Variants in STK24 observed in about 807,000 individuals in gnomAD.
STK24 encodes the protein serine/threonine-protein kinase 24.
A neutral mutation model predicts 55.6 loss-of-function variants in STK24; 21 were observed. The observed-to-expected ratio is 0.38, with a 90% CI of 0.27 to 0.54. The LOEUF (loss-of-function observed/expected upper bound fraction) is 0.54, where lower values mean the gene tolerates loss of function less well. STK24 is among the 20% of genes least tolerant of loss of function. The probability of loss-of-function intolerance (pLI) is 0.79; values close to 1 mark genes in which losing one functional copy is unlikely to be tolerated. For missense variants in STK24, 383 were observed against 538.4 expected, an observed-to-expected ratio of 0.71 and a Z score of 2.86; for synonymous variants, 200 against 215.2, an observed-to-expected ratio of 0.93 and a Z score of 0.62.
In STK24 at chr13:98,452,221, T is replaced by C. The variant is rs531634613; in HGVS notation, c.*952A>G. On this transcript the variant is annotated 3_prime_UTR_variant, in exon 11 of 11. Transcript: ENST00000539966. ...ACATTTTTAGGTGGGAAAGATGATA[T>C]GCAGAATCCACTACAAGGTGCAACA... 7 of 152,328 alleles carry C rather than the reference T, an allele frequency of 4.6e-5. No homozygotes were observed. In the South Asian group the frequency reaches 1.0e-3, roughly 23 times the overall value. The allele number at this position is 152,328 out of a possible 1,614,324, so 9.4% of individuals were successfully genotyped here.
In STK24 at chr13:98,475,366, G is replaced by A. The variant is rs373260832; in HGVS notation, c.331-8C>T. The stretch of plus-strand genomic sequence containing the variant: ...TAATGGGCCAGGTTCTAACTAAGAA[G>A]AGAAAAAAATTCTTAAAGTTACTTA... On this transcript the variant is annotated splice_polypyrimidine_tract_variant and splice_region_variant and intron_variant, in intron 3 of 10. Coordinates refer to ENST00000539966, the MANE Select transcript of STK24 (RefSeq NM_001032296.4). 8 of 1,570,772 alleles carry A rather than the reference G, an allele frequency of 5.1e-6. No individual in the cohort carries two copies. In the African/African-American group the frequency reaches 6.9e-5, roughly 14 times the overall value.
At chr13:98,542,203 C>G (rs1896907233) in intron 1 of STK24, among the ~76,000 whole-genome samples, 1 of 152,184 alleles carries the variant, frequency 6.6e-6, no homozygotes, top group Admixed American at 6.5e-5. Context: ...TCCACCGACC[C>G]TAGCGCTGAC....
chr13:98,453,146 A>G lies in STK24; in HGVS notation c.*27T>C. On this transcript the variant is annotated 3_prime_UTR_variant, in exon 11 of 11. Transcript: ENST00000539966. ...GAGGATGAAGAAGGAAAAAAGGAAA[A>G]ACAAAACCCCAAATGCCAAAGGAAT... The G allele has an allele frequency of 6.2e-7, 1 of 1,613,516 alleles. No homozygotes were observed. Among genetic ancestry groups the G allele is most frequent in the Non-Finnish European group, 8.5e-7 (1 of 1,179,726 alleles).
At chr13:98,539,065 G>A (rs1594652794) in intron 1 of STK24, among the ~76,000 whole-genome samples, 2 of 152,300 alleles carry the variant, frequency 1.3e-5, no homozygotes, top group Middle Eastern at 3.4e-3. Flanking sequence ...GCTGTACACA[G>A]CAGAGCACCC....
At position 98,452,057 on chromosome 13, in the gene STK24, T is replaced by C. The variant is rs1386696121; in HGVS notation, c.*1116A>G. Reference sequence around the variant, plus strand: ...GACTTCTCCCTGGAGTCTTCCAAAGTGTCTCATCACACACACACAGCCACG... The same window carrying C: ...GACTTCTCCCTGGAGTCTTCCAAAGCGTCTCATCACACACACACAGCCACG... On this transcript the variant is annotated 3_prime_UTR_variant, in exon 11 of 11. Transcript: ENST00000539966. 1.3e-5 allele frequency: 2 copies of C among 152,122 alleles called. No individual in the cohort carries two copies. The highest frequency in any genetic ancestry group is 4.8e-5 in the African/African-American group (2 of 41,414). The allele number at this position is 152,122 out of a possible 1,614,324, so 9.4% of individuals were successfully genotyped here.
At position 98,453,219 on chromosome 13, in the gene STK24, AAGAG is replaced by A. The variant is rs748089047; in HGVS notation, c.1260-14_1260-11del. ...ACCACTTAGAGAGTATCTAGGGAAA[AAGAG>A]AGAGAGAGAAGTCAACACATGTCAT... On this transcript the variant is annotated splice_polypyrimidine_tract_variant and intron_variant, in intron 10 of 10. Transcript: ENST00000539966. 229 of 1,610,198 alleles carry A rather than the reference AAGAG, an allele frequency of 1.4e-4. No homozygotes were observed. The highest frequency in any genetic ancestry group is 8.3e-4 in the Middle Eastern group (5 of 6,050).
At chr13:98,544,020 G>C (rs1896966881) in intron 1 of STK24, among the ~76,000 whole-genome samples, 1 of 152,190 alleles carries the variant, frequency 6.6e-6, no homozygotes, top group Admixed American at 6.5e-5. Flanking sequence ...TTTAAAAATA[G>C]CTATGAAGAG....
At position 98,451,796 on chromosome 13, in the gene STK24, CAG is replaced by C. The variant is rs1893207064; in HGVS notation, c.*1375_*1376del. The C allele has an allele frequency of 6.6e-6, 1 of 152,324 alleles. No individual in the cohort carries two copies. Among genetic ancestry groups the C allele is most frequent in the South Asian group, 2.1e-4 (1 of 4,836 alleles). 9.4% of individuals were successfully genotyped at this position (152,324 alleles called of 1,614,324 possible). A position where few individuals can be genotyped will look rare whatever the true frequency, so the allele number is the denominator to read the frequency against. On this transcript the variant is annotated 3_prime_UTR_variant, in exon 11 of 11. Transcript: ENST00000539966. ...CACGAACCCTCCCACTCCAGAAACCCAGAGATTTTCCCCCTCGCCAAGCAAGG... is the reference window on the plus strand; with the variant it reads ...CACGAACCCTCCCACTCCAGAAACCCAGATTTTCCCCCTCGCCAAGCAAGG...
At chr13:98,519,558 G>T in intron 1 of STK24, 85 bp from the exon 2 acceptor site, 1 of 1,048,264 alleles carries the variant, frequency 9.5e-7, no homozygotes, top group Non-Finnish European at 1.4e-6. Flanking sequence ...TAATGTTATA[G>T]ACCACACTGT....
At chr13:98,489,455 C>T (rs1894935475) in intron 2 of STK24, among the ~76,000 whole-genome samples, 2 of 152,344 alleles carry the variant, frequency 1.3e-5, no homozygotes, top group South Asian at 4.1e-4. Context: ...TCATCTAACA[C>T]ATAACATACC....
intron 1 of STK24, among the ~76,000 whole-genome samples, chr13:98,543,367 A>G (rs2139423419): frequency 1.3e-5 from 2 of 152,274 alleles, no homozygotes; most frequent in South Asian, 4.1e-4. Flanking sequence ...CTCCAGAAGC[A>G]CCAAGCAAAA....
intron 2 of STK24, among the ~76,000 whole-genome samples, chr13:98,517,965 A>C (rs1376885414): frequency 1.3e-5 from 2 of 152,242 alleles, no homozygotes; most frequent in Non-Finnish European, 2.9e-5. Flanking sequence ...TAATCTTTGT[A>C]ACATATGATA....
chr13:98,554,684 T>C lies in STK24; in HGVS notation c.42+22061A>G, dbSNP rs1174592390. Reference sequence around the variant, plus strand: ...AAAAATAAAAAACAAACTAAAAACCTGGCATTTTTAGAATGCTTAAGTCAT... The same window carrying C: ...AAAAATAAAAAACAAACTAAAAACCCGGCATTTTTAGAATGCTTAAGTCAT... On this transcript the variant is annotated intron_variant, in intron 1 of 10. Transcript: ENST00000539966. 3.3e-5 allele frequency among the ~76,000 whole-genome samples: 5 copies of C among 152,180 alleles called. No homozygotes were observed. The East Asian group carries it at 9.6e-4, about 29-fold the overall frequency.
intron 2 of STK24, among the ~76,000 whole-genome samples, chr13:98,499,756 C>A (rs192894990): frequency 2.6e-5 from 4 of 152,312 alleles, no homozygotes; most frequent in Non-Finnish European, 4.4e-5. Flanking sequence ...CAAGGTCTTG[C>A]TGCCCAAAGC....
At chr13:98,482,896 T>G (rs1464927501) in intron 2 of STK24, among the ~76,000 whole-genome samples, 1 of 152,204 alleles carries the variant, frequency 6.6e-6, no homozygotes, top group East Asian at 1.9e-4. Flanking sequence ...CTCCCAAAGC[T>G]GCCACAGTCT....
intron 1 of STK24, among the ~76,000 whole-genome samples, chr13:98,546,830 CCA>C (rs200272863): frequency 0.016 from 2,490 of 152,306 alleles, 54 homozygotes; most frequent in African/African-American, 0.056. Flanking sequence ...CATGTGGACT[CCA>C]GTTACTCACA....
chr13:98,466,608 C>T (rs770185513), intron 5 of STK24, 47 bp from the exon 6 acceptor site: 3 of 1,592,572 alleles, frequency 1.9e-6, no homozygotes, highest in Non-Finnish European at 1.7e-6. Flanking sequence ...GGAATCTATT[C>T]CAATACACAG....
At chr13:98,488,534 T>C (rs1894895197) in intron 2 of STK24, among the ~76,000 whole-genome samples, 1 of 151,996 alleles carries the variant, frequency 6.6e-6, no homozygotes. Flanking sequence ...GTTACTGACC[T>C]TTTTTTTAAA....
chr13:98,482,244 T>C lies in STK24; in HGVS notation c.330+21A>G, dbSNP rs376009840. 2.7e-5 allele frequency: 39 copies of C among 1,438,618 alleles called. No individual in the cohort carries two copies. The African/African-American group carries it at 4.2e-4, about 16-fold the overall frequency. 89.1% of individuals were successfully genotyped at this position (1,438,618 alleles called of 1,614,324 possible). ...TGAGAAAAAGCTTTGATACGTATTC[T>C]GCATCCAACATAATACTTACTAGAT... On this transcript the variant is annotated intron_variant, in intron 3 of 10. Coordinates refer to ENST00000539966, the MANE Select transcript of STK24 (RefSeq NM_001032296.4).
Sources: allele counts gnomAD v4.1 joint callset (sites outside exome capture counted in the v4.1 genomes callset), GRCh38; gene constraint gnomAD v4.1.1; transcripts MANE v1.5; gene names NCBI Gene and HGNC (gene_info 2026-07-23, HGNC 2026-07-21).